RIMS2: variants seen among roughly 807,000 people sequenced by gnomAD.
RIMS2 encodes the protein regulating synaptic membrane exocytosis protein 2.
A neutral mutation model predicts 174.4 loss-of-function variants in RIMS2; 59 were observed. The observed-to-expected ratio is 0.34, with a 90% CI of 0.27 to 0.42. The LOEUF (loss-of-function observed/expected upper bound fraction) is 0.42, where lower values mean the gene tolerates loss of function less well. RIMS2 is among the 10% of genes least tolerant of loss of function. The probability of loss-of-function intolerance (pLI) is 1.00; values close to 1 mark genes in which losing one functional copy is unlikely to be tolerated. For synonymous variants in RIMS2, 606 were observed against 572.5 expected (o/e 1.06, Z -0.84); for missense variants, 1,620 against 1,666.3 (o/e 0.97, Z 0.48).
At chr8:104,200,665 T>C (rs1370914930) in intron 19 of RIMS2, among the ~76,000 whole-genome samples, 2 of 152,320 alleles carry the variant, frequency 1.3e-5, no homozygotes, top group Non-Finnish European at 2.9e-5. Context: ...CCAGCACTTT[T>C]GGAGTCCAAG....
intron 3 of RIMS2, among the ~76,000 whole-genome samples, chr8:103,835,551 A>G (rs1364026857): frequency 2.0e-5 from 3 of 152,200 alleles, no homozygotes; most frequent in Admixed American, 6.5e-5. Flanking sequence ...AGGGCCTCAA[A>G]TAGTTGTATG....
chr8:104,213,888 A>AAAGAAG lies in RIMS2; in HGVS notation c.3335-31002_3335-30997dup, dbSNP rs762065499. On this transcript the variant is annotated intron_variant, in intron 19 of 23. Coordinates refer to ENST00000504942, the Ensembl canonical transcript of RIMS2. Reference sequence around the variant, plus strand: ...GAGACTCTGCCTCGGAAAAAAAAAAAAAGAAGAAGAAGAAGAAGAAGAAGA... The same window carrying AAAGAAG: ...GAGACTCTGCCTCGGAAAAAAAAAAAAAGAAGAAGAAGAAGAAGAAGAAGAAGAAGA... Among the ~76,000 whole-genome samples, 597 of 148,162 alleles carry AAAGAAG rather than the reference A, an allele frequency of 4.0e-3. 1 individual carries two copies. Among genetic ancestry groups the AAAGAAG allele is most frequent in the Middle Eastern group, 0.01 (3 of 290 alleles).
At chr8:103,770,466 C>T (rs574005405) in intron 3 of RIMS2, among the ~76,000 whole-genome samples, 13 of 152,236 alleles carry the variant, frequency 8.5e-5, no homozygotes, top group Admixed American at 7.2e-4. Flanking sequence ...ATCCCAGCTA[C>T]TTGGGAGGCT....
At chr8:103,664,236 A>C (rs539762620) in intron 1 of RIMS2, among the ~76,000 whole-genome samples, 1 of 152,364 alleles carries the variant, frequency 6.6e-6, no homozygotes, top group South Asian at 2.1e-4. Flanking sequence ...CTTCATGACT[A>C]AAACACCGAA....
At chr8:104,028,921 C>A (rs1029065259) in intron 19 of RIMS2, among the ~76,000 whole-genome samples, 4 of 152,170 alleles carry the variant, frequency 2.6e-5, no homozygotes, top group African/African-American at 9.7e-5. Context: ...AGAATGGTTA[C>A]TACATAGGCA....
At chr8:103,686,686 T>C (rs6985447) in intron 1 of RIMS2, among the ~76,000 whole-genome samples, 26,901 of 152,168 alleles carry the variant, frequency 0.18, 2,588 homozygotes, top group African/African-American at 0.24. Flanking sequence ...ATTTGATTTG[T>C]TAATATTTTT....
Position 103,966,503 on chromosome 8 carries a change from T to C in RIMS2, c.2770+5370T>C, listed in dbSNP as rs531837957. Among the ~76,000 whole-genome samples the C allele has an allele frequency of 1.2e-4, 18 of 152,258 alleles. No homozygotes were observed. In the East Asian group the frequency reaches 3.5e-3, roughly 29 times the overall value. On this transcript the variant is annotated intron_variant, in intron 15 of 23. Transcript: ENST00000504942. ...TCATTTCTGATATTAGTAATTTTTATACCCTGTTTCTCTTAATTAGCCTGT... is the reference window on the plus strand; with the variant it reads ...TCATTTCTGATATTAGTAATTTTTACACCCTGTTTCTCTTAATTAGCCTGT...
intron 4 of RIMS2, among the ~76,000 whole-genome samples, chr8:103,896,116 T>C (rs2099276191): frequency 6.6e-6 from 1 of 151,706 alleles, no homozygotes; most frequent in African/African-American, 2.4e-5. Flanking sequence ...TGAGGGTCTC[T>C]TATTTCCATG....
At chr8:103,770,568 C>T (rs1410275702) in intron 3 of RIMS2, among the ~76,000 whole-genome samples, 4 of 151,964 alleles carry the variant, frequency 2.6e-5, no homozygotes, top group Non-Finnish European at 5.9e-5. Context: ...AAGAGCGAAA[C>T]TCTGTCTCAA....
intron 1 of RIMS2, among the ~76,000 whole-genome samples, chr8:103,529,575 C>T (rs766944273): frequency 2.6e-5 from 4 of 152,226 alleles, no homozygotes; most frequent in East Asian, 3.9e-4. Flanking sequence ...TTCTGCTTCC[C>T]GGGTGAGGCG....
At chr8:103,660,509 A>G (rs1435754230) in intron 1 of RIMS2, among the ~76,000 whole-genome samples, 1 of 152,162 alleles carries the variant, frequency 6.6e-6, no homozygotes. Flanking sequence ...ATCTGTCCTC[A>G]TTTTATTGGT....
intron 1 of RIMS2, among the ~76,000 whole-genome samples, chr8:103,694,768 G>A (rs1303609754): frequency 6.6e-6 from 1 of 152,198 alleles, no homozygotes; most frequent in East Asian, 1.9e-4. Context: ...GAACTGCAGG[G>A]CCTGGCCTGA....
intron 2 of RIMS2, among the ~76,000 whole-genome samples, chr8:103,720,724 C>G (rs1394672225): frequency 1.3e-5 from 2 of 152,064 alleles, no homozygotes; most frequent in Admixed American, 1.3e-4. Flanking sequence ...ATTATTTAGA[C>G]AGCATACTAT....
At chr8:103,783,365 A>C (rs1193208438) in intron 3 of RIMS2, among the ~76,000 whole-genome samples, 1 of 148,888 alleles carries the variant, frequency 6.7e-6, no homozygotes, top group African/African-American at 2.5e-5. Context: ...GGTGCGCTGC[A>C]CCCACTAACT....
At chr8:104,214,445 T>G (rs1226859446) in intron 19 of RIMS2, among the ~76,000 whole-genome samples, 1 of 152,086 alleles carries the variant, frequency 6.6e-6, no homozygotes, top group Non-Finnish European at 1.5e-5. Context: ...AAACCCTTAT[T>G]GAAAGATTTT....
rs534425072 is a variant in RIMS2, at chr8:103,604,231, C to T, written c.177-92855C>T. Among the ~76,000 whole-genome samples, 7 of 151,258 alleles carry T rather than the reference C, an allele frequency of 4.6e-5. No individual in the cohort carries two copies. In the South Asian group the frequency reaches 8.4e-4, roughly 18 times the overall value. On this transcript the variant is annotated intron_variant, in intron 1 of 23. Transcript: ENST00000504942. ...TTTCTACATATGGCTAGCCCGTTTTCCCAGCACCATTTATTAAATAGAGAA... is the reference window on the plus strand; with the variant it reads ...TTTCTACATATGGCTAGCCCGTTTTTCCAGCACCATTTATTAAATAGAGAA...
chr8:104,253,234 CA>C (rs2099363080), downstream of RIMS2: 1 of 152,032 alleles, frequency 6.6e-6, no homozygotes, highest in Non-Finnish European at 1.5e-5. Context: ...ATTATTCATA[CA>C]GGGGTTAAAG....
At chr8:103,809,059 C>G (rs1446942861) in intron 3 of RIMS2, among the ~76,000 whole-genome samples, 2 of 152,164 alleles carry the variant, frequency 1.3e-5, no homozygotes, top group Non-Finnish European at 2.9e-5. Flanking sequence ...TTTCCATGCT[C>G]TATAGGATGT....
intron 19 of RIMS2, among the ~76,000 whole-genome samples, chr8:104,036,299 G>A (rs1034467222): frequency 2.0e-5 from 3 of 151,388 alleles, no homozygotes; most frequent in Non-Finnish European, 2.9e-5. Flanking sequence ...TACAGGTGCC[G>A]GCCACCATGC....
Sources: gnomAD v4.1 joint callset for allele counts (sites outside exome capture counted in the v4.1 genomes callset) on GRCh38, gnomAD v4.1.1 for gene constraint, MANE v1.5 for transcripts, NCBI Gene and HGNC (gene_info 2026-07-23, HGNC 2026-07-21) for gene names.